The following DOK6 variants were observed in gnomAD, a reference collection of about 807,000 sequenced individuals.
DOK6 encodes the protein docking protein 6.
Under a neutral mutation model 44.0 loss-of-function variants are expected in DOK6, and 22 were observed. The ratio of observed to expected loss-of-function variants is 0.50; its 90% confidence interval spans 0.36 to 0.71. DOK6 has a LOEUF of 0.71. Ranked by LOEUF, DOK6 falls within the 30% of genes least tolerant of loss-of-function variation. The pLI, the probability that DOK6 is intolerant of heterozygous loss-of-function variation, is 0.00. For missense variants in DOK6, 340 were observed against 416.4 expected (o/e 0.82, Z 1.60); for synonymous variants, 166 against 145.5 (o/e 1.14, Z -1.01).
At chr18:69,748,361 C>G (rs757314601) in intron 6 of DOK6, among the ~76,000 whole-genome samples, 9 of 151,964 alleles carry the variant, frequency 5.9e-5, no homozygotes, top group Non-Finnish European at 1.0e-4. Context: ...ATATTCACGA[C>G]TTGAACTCAG....
At chr18:69,806,092 T>G (rs967423567) in intron 7 of DOK6, among the ~76,000 whole-genome samples, 4 of 151,946 alleles carry the variant, frequency 2.6e-5, no homozygotes, top group Non-Finnish European at 5.9e-5. Flanking sequence ...AAATTTTTAT[T>G]GTACCCATTT....
At chr18:69,492,227 A>G (rs1268357481) in intron 1 of DOK6, among the ~76,000 whole-genome samples, 1 of 152,172 alleles carries the variant, frequency 6.6e-6, no homozygotes, top group African/African-American at 2.4e-5. Context: ...ATGAAAACAA[A>G]GTGTCACACA....
intron 2 of DOK6, among the ~76,000 whole-genome samples, chr18:69,568,647 T>C (rs907861825): frequency 3.3e-5 from 5 of 152,178 alleles, no homozygotes; most frequent in African/African-American, 1.2e-4. Context: ...CCAGGCTGCA[T>C]AGCAGGAGGT....
At chr18:69,614,600 T>C (rs1313448270) in intron 3 of DOK6, among the ~76,000 whole-genome samples, 2 of 151,228 alleles carry the variant, frequency 1.3e-5, no homozygotes, top group Non-Finnish European at 2.9e-5. Context: ...ATCTACCCTG[T>C]TAGCAAATAG....
At chr18:69,536,665 A>G (rs1185287415) in intron 1 of DOK6, among the ~76,000 whole-genome samples, 1 of 152,144 alleles carries the variant, frequency 6.6e-6, no homozygotes, top group African/African-American at 2.4e-5. Flanking sequence ...AAATTGTTAC[A>G]TATTTTCAAT....
intron 1 of DOK6, among the ~76,000 whole-genome samples, chr18:69,556,503 A>G (rs144654219): frequency 2.5e-4 from 38 of 152,280 alleles, no homozygotes; most frequent in African/African-American, 8.9e-4. Context: ...GCTATTTACA[A>G]ATGTGCTTCT....
At chr18:69,652,944 G>A (rs1444585889) in intron 3 of DOK6, among the ~76,000 whole-genome samples, 1 of 152,206 alleles carries the variant, frequency 6.6e-6, no homozygotes, top group African/African-American at 2.4e-5. Context: ...TCAGACCCAT[G>A]TATATTCCCT....
chr18:69,756,343 TTATG>T (rs1204267190), intron 6 of DOK6, among the ~76,000 whole-genome samples: 2 of 152,164 alleles, frequency 1.3e-5, no homozygotes, highest in African/African-American at 4.8e-5. Context: ...GTTCACCTGT[TTATG>T]TAATAAGCAG....
chr18:69,774,088 A>T (rs1322327895), intron 7 of DOK6, among the ~76,000 whole-genome samples: 2 of 143,358 alleles, frequency 1.4e-5, no homozygotes, highest in African/African-American at 5.0e-5. Context: ...AGATAGATTT[A>T]TATAGATATA....
intron 6 of DOK6, among the ~76,000 whole-genome samples, chr18:69,747,999 C>A (rs561231277): frequency 1.1e-4 from 17 of 152,160 alleles, no homozygotes; most frequent in African/African-American, 4.1e-4. Flanking sequence ...AGGGAGAGAA[C>A]AATCTTACAT....
chr18:69,575,247 G>A (rs865940268), intron 2 of DOK6, among the ~76,000 whole-genome samples: 4 of 152,158 alleles, frequency 2.6e-5, no homozygotes, highest in Middle Eastern at 3.4e-3. Flanking sequence ...ACCATATGAG[G>A]AGCAGTTTTC....
intron 5 of DOK6, among the ~76,000 whole-genome samples, chr18:69,702,514 C>T (rs1002669042): frequency 1.3e-5 from 2 of 152,178 alleles, no homozygotes; most frequent in Admixed American, 6.5e-5. Flanking sequence ...ACATCACTAC[C>T]ACCACTTGGC....
At chr18:69,635,913 C>A in intron 3 of DOK6, among the ~76,000 whole-genome samples, 1 of 152,190 alleles carries the variant, frequency 6.6e-6, no homozygotes, top group East Asian at 1.9e-4. Context: ...TGCCCGTTTT[C>A]AGTGGAGTCC....
At chr18:69,831,052 C>T (rs1219429323) in intron 7 of DOK6, 10 of 152,296 alleles carry the variant, frequency 6.6e-5, no homozygotes, top group East Asian at 3.9e-4. Context: ...AATTGGCTCA[C>T]CTTATTATGG....
intron 3 of DOK6, among the ~76,000 whole-genome samples, chr18:69,652,583 C>T (rs181947472): frequency 5.3e-5 from 8 of 152,324 alleles, no homozygotes; most frequent in South Asian, 2.1e-4. Flanking sequence ...ACCCACCACA[C>T]GCCTCTAAGC....
chr18:69,561,531 C>A (rs1205900632), intron 1 of DOK6, among the ~76,000 whole-genome samples: 1 of 151,912 alleles, frequency 6.6e-6, no homozygotes, highest in Non-Finnish European at 1.5e-5. Context: ...CAAATAAGCA[C>A]ATAACTACAA....
intron 5 of DOK6, among the ~76,000 whole-genome samples, chr18:69,712,028 T>A: frequency 6.6e-6 from 1 of 151,814 alleles, no homozygotes; most frequent in Non-Finnish European, 1.5e-5. Context: ...ACGCCTGTAA[T>A]CCCAGCACTT....
chr18:69,612,217 T>TTAAA (rs1555716958), intron 3 of DOK6, among the ~76,000 whole-genome samples: 4 of 149,904 alleles, frequency 2.7e-5, no homozygotes, highest in African/African-American at 7.3e-5. Context: ...ATATTTAAGT[T>TTAAA]AAAAAAAACC....
At chr18:69,624,298 C>A (rs1274530931) in intron 3 of DOK6, among the ~76,000 whole-genome samples, 1 of 152,094 alleles carries the variant, frequency 6.6e-6, no homozygotes, top group East Asian at 1.9e-4. Context: ...AAATCATAAT[C>A]ATTTTCATCC....
Sources: allele counts gnomAD v4.1 joint callset (sites outside exome capture counted in the v4.1 genomes callset), GRCh38; gene constraint gnomAD v4.1.1; transcripts MANE v1.5; gene names NCBI Gene and HGNC (gene_info 2026-07-23, HGNC 2026-07-21).